GRIP1: variants seen among roughly 807,000 people sequenced by gnomAD.
GRIP1 encodes glutamate receptor interacting protein 1.
Under a neutral mutation model 129.9 loss-of-function variants are expected in GRIP1, and 45 were observed. The ratio of observed to expected loss-of-function variants is 0.35; its 90% CI spans 0.27 to 0.44. The LOEUF (loss-of-function observed/expected upper bound fraction) is 0.44, where lower values mean the gene tolerates loss of function less well. Ranked by LOEUF, GRIP1 falls within the 20% of genes least tolerant of loss-of-function variation. The pLI, the probability that GRIP1 is intolerant of heterozygous loss-of-function variation, is 1.00. For missense variants in GRIP1, 1,196 were observed against 1,396.8 expected, an observed-to-expected ratio of 0.86 and a Z score of 2.29; for synonymous variants, 530 against 520.8, an observed-to-expected ratio of 1.02 and a Z score of -0.24.
intron 1 of GRIP1, among the ~76,000 whole-genome samples, chr12:66,813,222 C>T (rs1369354912): frequency 6.6e-6 from 1 of 152,116 alleles, no homozygotes. Context: ...GTATATCACA[C>T]AGTGAGAAAG....
intron 1 of GRIP1, among the ~76,000 whole-genome samples, chr12:66,763,544 A>T (rs1200333107): frequency 2.0e-5 from 3 of 152,220 alleles, no homozygotes; most frequent in Non-Finnish European, 4.4e-5. Flanking sequence ...ATGACTGTTA[A>T]ATGTCAGCTA....
At chr12:66,989,388 G>C (rs1026133748) in intron 1 of GRIP1, among the ~76,000 whole-genome samples, 1 of 152,146 alleles carries the variant, frequency 6.6e-6, no homozygotes, top group African/African-American at 2.4e-5. Context: ...GTCAAATTTG[G>C]GAGTTATCAC....
In GRIP1 at chr12:66,897,766, A is replaced by G. The variant is rs572522253; in HGVS notation, c.58+171284T>C. ...TTTCTTTTTGTGAATTCTAATATGT[A>G]TTTTTTACTGTGATTTTGAAATACC... On this transcript the variant is annotated intron_variant, in intron 1 of 1. Transcript: ENST00000643019. Among the ~76,000 whole-genome samples, 182 of 152,270 alleles carry G rather than the reference A, an allele frequency of 1.2e-3. 1 individual carries two copies. The highest frequency in any genetic ancestry group is 2.0e-3 in the Non-Finnish European group (137 of 68,004).
chr12:66,797,226 C>T (rs1376494625), intron 1 of GRIP1, among the ~76,000 whole-genome samples: 1 of 152,158 alleles, frequency 6.6e-6, no homozygotes, highest in Non-Finnish European at 1.5e-5. Context: ...TGTGTTCCCT[C>T]TAAAACAAGA....
At chr12:67,013,872 ATAAGGACTTG>A (rs1473668273) in intron 1 of GRIP1, among the ~76,000 whole-genome samples, 1 of 152,164 alleles carries the variant, frequency 6.6e-6, no homozygotes, top group Non-Finnish European at 1.5e-5. Context: ...ATCCAAACCA[ATAAGGACTTG>A]GAATTCTTCA....
intron 1 of GRIP1, among the ~76,000 whole-genome samples, chr12:66,626,294 C>T (rs951984945): frequency 2.0e-5 from 3 of 150,928 alleles, no homozygotes; most frequent in Non-Finnish European, 2.9e-5. Context: ...GAGCTGAGAC[C>T]GCACCACTGC....
intron 1 of GRIP1, among the ~76,000 whole-genome samples, chr12:66,982,419 A>C (rs1277702433): frequency 6.6e-6 from 1 of 152,196 alleles, no homozygotes; most frequent in Non-Finnish European, 1.5e-5. Flanking sequence ...AGTGACACCT[A>C]TAACAAATAG....
intron 23 of GRIP1, among the ~76,000 whole-genome samples, chr12:66,366,238 G>A (rs1046258609): frequency 6.6e-6 from 1 of 152,226 alleles, no homozygotes; most frequent in Non-Finnish European, 1.5e-5. Flanking sequence ...AAAGAAGCAT[G>A]TGCAAGAATA....
intron 1 of GRIP1, among the ~76,000 whole-genome samples, chr12:66,735,017 A>G (rs1410089719): frequency 6.6e-6 from 1 of 152,198 alleles, no homozygotes; most frequent in East Asian, 1.9e-4. Flanking sequence ...AACTCATTTA[A>G]CATGAATGAC....
chr12:66,677,780 T>C (rs546436701), intron 1 of GRIP1, among the ~76,000 whole-genome samples: 1 of 152,298 alleles, frequency 6.6e-6, no homozygotes, highest in Non-Finnish European at 1.5e-5. Context: ...TTCTGCCAGA[T>C]AAAATATTAA....
At chr12:66,497,758 G>C (rs913416897) in intron 7 of GRIP1, among the ~76,000 whole-genome samples, 1 of 152,144 alleles carries the variant, frequency 6.6e-6, no homozygotes, top group Admixed American at 6.5e-5. Context: ...TGACTGGAGA[G>C]AGTCAGGGAA....
chr12:66,691,760 C>T (rs1241794061), intron 1 of GRIP1, among the ~76,000 whole-genome samples: 1 of 152,114 alleles, frequency 6.6e-6, no homozygotes, highest in Non-Finnish European at 1.5e-5. Context: ...GAGAGTCCTT[C>T]CATAGATTCT....
chr12:66,847,017 G>A (rs895635867), intron 1 of GRIP1, among the ~76,000 whole-genome samples: 2 of 152,184 alleles, frequency 1.3e-5, no homozygotes, highest in Non-Finnish European at 2.9e-5. Flanking sequence ...GTAGTCCAGA[G>A]TAGGAAAGTC....
At chr12:66,521,002 G>C (rs1014199139) in intron 5 of GRIP1, among the ~76,000 whole-genome samples, 8 of 152,172 alleles carry the variant, frequency 5.3e-5, no homozygotes, top group African/African-American at 1.9e-4. Flanking sequence ...ATTTTAAACA[G>C]AAATTTAGGA....
intron 14 of GRIP1, among the ~76,000 whole-genome samples, chr12:66,431,028 C>T (rs2058132512): frequency 6.6e-6 from 1 of 152,146 alleles, no homozygotes; most frequent in Non-Finnish European, 1.5e-5. Flanking sequence ...ACGCACCACT[C>T]CCACAGCTAG....
intron 4 of GRIP1, among the ~76,000 whole-genome samples, chr12:66,530,940 A>G (rs2061421487): frequency 6.6e-6 from 1 of 151,826 alleles, no homozygotes; most frequent in South Asian, 2.1e-4. Flanking sequence ...ACTATCAGCA[A>G]AAAGTATACA....
At chr12:66,677,539 G>A (rs770725907) in intron 1 of GRIP1, among the ~76,000 whole-genome samples, 4 of 152,134 alleles carry the variant, frequency 2.6e-5, no homozygotes, top group Admixed American at 1.3e-4. Flanking sequence ...GAAATTGTAC[G>A]TCTGTACCAA....
chr12:66,473,802 G>A (rs763606207), intron 7 of GRIP1, among the ~76,000 whole-genome samples: 17 of 152,218 alleles, frequency 1.1e-4, no homozygotes, highest in South Asian at 4.1e-4. Context: ...ATGAAAGGAC[G>A]TCCACAAAGA....
chr12:66,695,027 A>C (rs2136327741), intron 1 of GRIP1, among the ~76,000 whole-genome samples: 1 of 152,346 alleles, frequency 6.6e-6, no homozygotes, highest in Admixed American at 6.5e-5. Context: ...AAATCTTTTT[A>C]AAATAAGGAA....
Sources: allele counts gnomAD v4.1 joint callset (sites outside exome capture counted in the v4.1 genomes callset), GRCh38; gene constraint gnomAD v4.1.1; transcripts MANE v1.5; gene names NCBI Gene and HGNC (gene_info 2026-07-23, HGNC 2026-07-21).